PIGN: variants seen among roughly 807,000 people sequenced by gnomAD.
PIGN encodes the protein GPI ethanolamine phosphate transferase 1.
PIGN carries 117 observed loss-of-function variants against 125.4 expected under a neutral mutation model. That is an observed-to-expected ratio of 0.93 (90% CI 0.80 to 1.09). The LOEUF is 1.09. Among genes scored for constraint, PIGN ranks in the 50% least tolerant of loss-of-function variants. The pLI is 0.00. For synonymous variants in PIGN, 392 were observed against 377.8 expected (o/e 1.04, Z -0.44); for missense variants, 1,075 against 1,094.9 (o/e 0.98, Z 0.26).
chr18:62,056,574 C>T (rs917782987), intron 30 of PIGN: 1 of 152,246 alleles, frequency 6.6e-6, no homozygotes, highest in Non-Finnish European at 1.5e-5. Flanking sequence ...TCTTCTCACC[C>T]CGAACTTTCT....
At chr18:62,111,596 C>T (rs1399407594) in intron 16 of PIGN, among the ~76,000 whole-genome samples, 1 of 152,122 alleles carries the variant, frequency 6.6e-6, no homozygotes, top group Non-Finnish European at 1.5e-5. Context: ...ACATCTCTTA[C>T]CTACTTTATT....
chr18:62,178,195 A>G (rs1034296740), intron 1 of PIGN, among the ~76,000 whole-genome samples: 54 of 152,064 alleles, frequency 3.6e-4, no homozygotes, highest in African/African-American at 8.5e-4. Flanking sequence ...CATTGCCACA[A>G]TGGTGAATGA....
At position 62,069,444 on chromosome 18, in the gene PIGN, T is replaced by C. The variant is rs563310875; in HGVS notation, c.2672+3229A>G. 1.7e-3 allele frequency: 264 copies of C among 152,348 alleles called. 1 individual carries two copies. The highest frequency in any genetic ancestry group is 5.6e-3 in the African/African-American group (233 of 41,578). The allele number at this position is 152,348 out of a possible 1,614,324, so 9.4% of individuals were successfully genotyped here. A position where few individuals can be genotyped will look rare whatever the true frequency, so the allele number is the denominator to read the frequency against. ...AAGGTGGAAACAACTCTAGTATCCA[T>C]TGACAGATGAACAGGTGAACAATAT... On this transcript the variant is annotated intron_variant, in intron 30 of 30. Transcript: ENST00000640252.
intron 1 of PIGN, among the ~76,000 whole-genome samples, chr18:62,182,125 C>G (rs180685980): frequency 5.3e-5 from 8 of 152,316 alleles, no homozygotes; most frequent in African/African-American, 1.9e-4. Flanking sequence ...CAGTCTCTAT[C>G]TGATCACTAA....
chr18:62,147,053 G>T lies in PIGN; in HGVS notation c.723C>A (p.Ile241=). The T allele has an allele frequency of 6.2e-7, 1 of 1,608,930 alleles. No individual in the cohort carries two copies. The highest frequency in any genetic ancestry group is 8.5e-7 in the Non-Finnish European group (1 of 1,176,078). Residue 241 remains isoleucine (I), a synonymous_variant, in exon 9 of 31, where the codon ATC becomes ATA. Transcript: ENST00000640252. ...CATAGAAGTGGTTAAACATAGACAC[G>T]ATTTCTTTAACTCCATCATCAACTT... ...IKKVDDGVKE[I]VSMFNHFYGN...
intron 1 of PIGN, among the ~76,000 whole-genome samples, chr18:62,176,283 A>G (rs1381463166): frequency 6.6e-6 from 1 of 152,160 alleles, no homozygotes; most frequent in Non-Finnish European, 1.5e-5. Flanking sequence ...AATTTCAATT[A>G]ATTCAGGTAG....
intron 23 of PIGN, among the ~76,000 whole-genome samples, chr18:62,091,331 T>C (rs2033948566): frequency 6.6e-6 from 1 of 152,112 alleles, no homozygotes; most frequent in Non-Finnish European, 1.5e-5. Flanking sequence ...GGTTACAGTG[T>C]GAGATTCTGT....
intron 23 of PIGN, among the ~76,000 whole-genome samples, chr18:62,094,354 A>G (rs1480597345): frequency 6.6e-6 from 1 of 152,164 alleles, no homozygotes; most frequent in Non-Finnish European, 1.5e-5. Context: ...AGAAAGGCCT[A>G]TTAAGAGACT....
intron 30 of PIGN, among the ~76,000 whole-genome samples, chr18:62,063,585 G>C (rs184447261): frequency 1.8e-4 from 27 of 150,346 alleles, no homozygotes; most frequent in Non-Finnish European, 3.6e-4. Flanking sequence ...ATGTCCATCT[G>C]TCTGTCTAAA....
intron 30 of PIGN, among the ~76,000 whole-genome samples, chr18:62,055,011 C>G (rs1000282515): frequency 5.3e-5 from 8 of 152,180 alleles, no homozygotes; most frequent in African/African-American, 1.7e-4. Flanking sequence ...TACACACCCA[C>G]TTGAATAGCT....
chr18:62,067,457 G>C (rs1379092018), intron 30 of PIGN, among the ~76,000 whole-genome samples: 1 of 152,144 alleles, frequency 6.6e-6, no homozygotes, highest in Non-Finnish European at 1.5e-5. Context: ...CACCCTAAAA[G>C]TTCCTACAGG....
intron 29 of PIGN, among the ~76,000 whole-genome samples, 155 bp from the exon 30 acceptor site, chr18:62,072,880 C>T (rs1052667099): frequency 6.6e-6 from 1 of 152,056 alleles, no homozygotes; most frequent in African/African-American, 2.4e-5. Context: ...GAAACTTTTG[C>T]TTGGATTAGA....
intron 14 of PIGN, among the ~76,000 whole-genome samples, chr18:62,125,046 CA>C (rs139002626): frequency 0.024 from 3,547 of 145,172 alleles, 251 homozygotes; most frequent in African/African-American, 0.085. Context: ...TATAAATATA[CA>C]ATTTGTACAT....
chr18:62,108,674 T>C (rs979286457), intron 17 of PIGN, among the ~76,000 whole-genome samples: 2 of 152,082 alleles, frequency 1.3e-5, no homozygotes, highest in Non-Finnish European at 2.9e-5. Context: ...CACTGCAACC[T>C]CCACCTCCTG....
At chr18:62,096,516 C>CTTTTTTTTTTTTTTTTTTTTTTTTTTTT (rs398033140) in intron 22 of PIGN, among the ~76,000 whole-genome samples, 2 of 85,668 alleles carry the variant, frequency 2.3e-5, no homozygotes, top group African/African-American at 5.4e-5. Flanking sequence ...GAATTATTTT[C>CTTTTTTTTTTTTTTTTTTTTTTTTTTTT]TTTTTTTTTT....
intron 1 of PIGN, among the ~76,000 whole-genome samples, chr18:62,175,052 T>TA (rs1163566654): frequency 7.3e-6 from 1 of 136,766 alleles, no homozygotes; most frequent in East Asian, 2.1e-4. Flanking sequence ...TAAATATATA[T>TA]TTTTATATAT....
At chr18:62,137,136 T>C (rs566846609) in intron 14 of PIGN, 106 of 398,490 alleles carry the variant, frequency 2.7e-4, no homozygotes, top group Non-Finnish European at 4.6e-4. Context: ...GGCAGAAGAA[T>C]GTGGAATGAG....
downstream of PIGN, among the ~76,000 whole-genome samples, chr18:62,037,372 T>G (rs2030274245): frequency 1.3e-5 from 2 of 152,244 alleles, no homozygotes; most frequent in Admixed American, 1.3e-4. Context: ...GGCTGATATC[T>G]ACCTTGGTTG....
rs76809822 is a variant in PIGN at position 62,075,214 on chromosome 18, A to G, written c.2577-393T>C. 5.7e-3 allele frequency: 956 copies of G among 167,496 alleles called. 10 individuals carry two copies. The highest frequency in any genetic ancestry group is 0.021 in the African/African-American group (865 of 41,740). The allele number at this position is 167,496 out of a possible 1,614,324, so 10.4% of individuals were successfully genotyped here. A position where few individuals can be genotyped will look rare whatever the true frequency, so the allele number is the denominator to read the frequency against. ...ATAGTATAATATCCCAAGCAGGACA[A>G]TGACACTGATACTGTCAAGGTAAAG... is the stretch of plus-strand genomic sequence containing the variant. On this transcript the variant is annotated intron_variant, in intron 28 of 30. Coordinates refer to ENST00000640252, the MANE Select transcript of PIGN (RefSeq NM_176787.5).
Sources: allele counts gnomAD v4.1 joint callset (sites outside exome capture counted in the v4.1 genomes callset), GRCh38; gene constraint gnomAD v4.1.1; transcripts MANE v1.5; gene names NCBI Gene and HGNC (gene_info 2026-07-23, HGNC 2026-07-21).